SOX6: variants seen among roughly 807,000 people sequenced by gnomAD.
SOX6 encodes SRY-box transcription factor 6, also known as transcription factor SOX-6.
In SOX6, 11 loss-of-function variants were observed where a neutral mutation model predicts 97.8. The ratio of observed to expected loss-of-function variants is 0.11; its 90% CI spans 0.07 to 0.19. The LOEUF is 0.19. Ranked by LOEUF, SOX6 falls within the 10% of genes least tolerant of loss-of-function variation. The pLI, the probability that SOX6 is intolerant of heterozygous loss-of-function variation, is 1.00. For missense variants in SOX6, 810 were observed against 1,039.5 expected (o/e 0.78, Z 3.04); for synonymous variants, 360 against 371.4 (o/e 0.97, Z 0.35).
chr11:16,440,141 G>T (rs1198021695), intron 1 of SOX6, among the ~76,000 whole-genome samples: 1 of 152,160 alleles, frequency 6.6e-6, no homozygotes, highest in Non-Finnish European at 1.5e-5. Context: ...TGTGTTGAAA[G>T]GTGTCTGCTC....
chr11:16,402,769 AC>A (rs761319142), intron 1 of SOX6: 12 of 1,606,270 alleles, frequency 7.5e-6, no homozygotes, highest in African/African-American at 2.7e-5. Context: ...AGGAAAAAAA[AC>A]AATCTACTAT....
At chr11:16,429,347 A>AT (rs1780493944) in intron 1 of SOX6, among the ~76,000 whole-genome samples, 2 of 152,290 alleles carry the variant, frequency 1.3e-5, no homozygotes, top group Non-Finnish European at 2.9e-5. Flanking sequence ...AGGAATATAA[A>AT]TTGTTCTATT....
chr11:16,691,614 C>T (rs774363176), intron 3 of SOX6, among the ~76,000 whole-genome samples: 2 of 152,044 alleles, frequency 1.3e-5, no homozygotes, highest in African/African-American at 2.4e-5. Flanking sequence ...CTGGGCAACA[C>T]AGCAAAACCC....
intron 2 of SOX6, among the ~76,000 whole-genome samples, chr11:16,323,577 C>T (rs1320616329): frequency 1.3e-5 from 2 of 152,022 alleles, no homozygotes; most frequent in African/African-American, 4.8e-5. Context: ...TTGAACCCAA[C>T]CCGCTCTTCA....
chr11:16,677,908 C>A (rs1847897171), intron 3 of SOX6, among the ~76,000 whole-genome samples: 1 of 152,136 alleles, frequency 6.6e-6, no homozygotes, highest in South Asian at 2.1e-4. Flanking sequence ...TTATTCATTT[C>A]TTCTTAAGTA....
intron 4 of SOX6, among the ~76,000 whole-genome samples, chr11:16,481,811 A>G (rs901149124): frequency 6.6e-6 from 1 of 152,184 alleles, no homozygotes; most frequent in Admixed American, 6.6e-5. Context: ...GGTCACAAAG[A>G]GCTATTGTTA....
intron 3 of SOX6, among the ~76,000 whole-genome samples, chr11:16,711,480 G>C (rs953852430): frequency 1.3e-5 from 2 of 152,266 alleles, no homozygotes; most frequent in Admixed American, 1.3e-4. Context: ...CTGTGATCGT[G>C]CTACTGCACT....
chr11:16,392,216 A>T (rs778684549), intron 1 of SOX6, among the ~76,000 whole-genome samples: 18 of 152,160 alleles, frequency 1.2e-4, no homozygotes, highest in Non-Finnish European at 2.5e-4. Context: ...ATACAAAGAA[A>T]ATTGAAAATA....
chr11:16,292,668 G>A (rs1237095600), intron 3 of SOX6, among the ~76,000 whole-genome samples: 1 of 152,190 alleles, frequency 6.6e-6, no homozygotes, highest in African/African-American at 2.4e-5. Flanking sequence ...TGCTGGGACT[G>A]AGCATGATTA....
chr11:16,164,152 G>T (rs1225148549), intron 6 of SOX6, among the ~76,000 whole-genome samples: 4 of 151,994 alleles, frequency 2.6e-5, no homozygotes, highest in Non-Finnish European at 4.4e-5. Context: ...CCTTTTTGTA[G>T]AGATGAAGGT....
At chr11:16,090,975 T>C (rs1848672766) in intron 9 of SOX6, among the ~76,000 whole-genome samples, 3 of 152,124 alleles carry the variant, frequency 2.0e-5, no homozygotes, top group Non-Finnish European at 2.9e-5. Context: ...TGAGAATGTA[T>C]ATTATGCTCA....
At chr11:16,679,967 A>C (rs1375938609) in intron 3 of SOX6, among the ~76,000 whole-genome samples, 3 of 152,238 alleles carry the variant, frequency 2.0e-5, no homozygotes, top group African/African-American at 7.2e-5. Flanking sequence ...ATCTGAAAAG[A>C]CCAAATCTAT....
At chr11:16,522,015 G>A (rs1399634295) in intron 4 of SOX6, among the ~76,000 whole-genome samples, 2 of 152,202 alleles carry the variant, frequency 1.3e-5, no homozygotes, top group Non-Finnish European at 2.9e-5. Context: ...TCGTGTACCT[G>A]AAAGTGACAG....
intron 3 of SOX6, among the ~76,000 whole-genome samples, chr11:16,293,564 T>C (rs2134262073): frequency 6.6e-6 from 1 of 152,172 alleles, no homozygotes; most frequent in South Asian, 2.1e-4. Flanking sequence ...AGGCAACAAA[T>C]CACCTTCCCA....
chr11:16,376,511 G>T (rs1315722666), intron 1 of SOX6, among the ~76,000 whole-genome samples: 2 of 152,120 alleles, frequency 1.3e-5, no homozygotes, highest in East Asian at 1.9e-4. Flanking sequence ...ATCCTTTGCC[G>T]ACTTCCTCTA....
At chr11:16,531,161 T>C (rs560520372) in intron 4 of SOX6, among the ~76,000 whole-genome samples, 3 of 150,726 alleles carry the variant, frequency 2.0e-5, no homozygotes, top group East Asian at 1.9e-4. Flanking sequence ...TCCTCATAGA[T>C]ATATATAGAG....
Position 16,341,743 on chromosome 11 carries a change from G to A in SOX6, c.-4-491C>T, listed in dbSNP as rs891618881. Among the ~76,000 whole-genome samples the A allele has an allele frequency of 1.8e-4, 27 of 152,132 alleles. 1 individual carries two copies. Among genetic ancestry groups the A allele is most frequent in the African/African-American group, 6.5e-4 (27 of 41,534 alleles). Reference sequence around the variant, plus strand: ...GGGATATGTAGGAAAATATAATCAGGAGAGTAAATAATTCATAATCAAAGT... The same window carrying A: ...GGGATATGTAGGAAAATATAATCAGAAGAGTAAATAATTCATAATCAAAGT... On this transcript the variant is annotated intron_variant, in intron 1 of 15. Coordinates refer to ENST00000683767, the MANE Select transcript of SOX6 (RefSeq NM_001367873.1).
At chr11:16,394,334 A>T (rs1858279058) in intron 1 of SOX6, among the ~76,000 whole-genome samples, 2 of 152,010 alleles carry the variant, frequency 1.3e-5, no homozygotes, top group Admixed American at 1.3e-4. Context: ...TAATAATGGC[A>T]CTTTCTATGA....
At chr11:16,155,819 A>T (rs1405061177) in intron 6 of SOX6, among the ~76,000 whole-genome samples, 1 of 151,978 alleles carries the variant, frequency 6.6e-6, no homozygotes, top group East Asian at 1.9e-4. Context: ...ACTAATAAAA[A>T]CTCTACCATA....
Sources: gnomAD v4.1 joint callset for allele counts (sites outside exome capture counted in the v4.1 genomes callset) on GRCh38, gnomAD v4.1.1 for gene constraint, MANE v1.5 for transcripts, NCBI Gene and HGNC (gene_info 2026-07-23, HGNC 2026-07-21) for gene names.